VWA3B: variants seen among roughly 807,000 people sequenced by gnomAD.
VWA3B encodes the protein von Willebrand factor A domain containing 3B.
Under a neutral mutation model 158.3 loss-of-function variants are expected in VWA3B, and 138 were observed. The observed-to-expected ratio is 0.87, with a 90% CI of 0.76 to 1.00. The LOEUF (loss-of-function observed/expected upper bound fraction) is 1.00. Among genes scored for constraint, VWA3B ranks in the 50% least tolerant of loss-of-function variants. The pLI is 0.00. For missense variants in VWA3B, 1,555 were observed against 1,565.1 expected (o/e 0.99, Z 0.11); for synonymous variants, 596 against 587.3 (o/e 1.01, Z -0.21).
At chr2:98,179,949 CTCTT>C (rs1219418540) in intron 8 of VWA3B, among the ~76,000 whole-genome samples, 9 of 122,680 alleles carry the variant, frequency 7.3e-5, no homozygotes, top group Non-Finnish European at 1.3e-4. Flanking sequence ...CCTCCTTTCT[CTCTT>C]TCTCTTTCTT....
At chr2:98,264,185 A>G (rs1404094262) in intron 21 of VWA3B, among the ~76,000 whole-genome samples, 2 of 151,796 alleles carry the variant, frequency 1.3e-5, no homozygotes, top group African/African-American at 4.8e-5. Context: ...AAAAAAAAAC[A>G]AATCTTGCTT....
intron 7 of VWA3B, among the ~76,000 whole-genome samples, chr2:98,143,440 C>T (rs543200904): frequency 6.2e-4 from 95 of 152,274 alleles, no homozygotes; most frequent in African/African-American, 2.1e-3. Context: ...TGGTTCACAT[C>T]GTATGTCTAT....
At chr2:98,237,244 G>C (rs758960938) in intron 19 of VWA3B, among the ~76,000 whole-genome samples, 2 of 152,302 alleles carry the variant, frequency 1.3e-5, no homozygotes. Context: ...TTGGCACTTC[G>C]TGGTTCGTTG....
rs549156822 is a variant in VWA3B, at chr2:98,127,162, G to A, written c.703-1077G>A. Among the ~76,000 whole-genome samples the A allele has an allele frequency of 2.0e-5, 3 of 152,316 alleles. No individual in the cohort carries two copies. The East Asian group carries it at 5.8e-4, about 29-fold the overall frequency. On this transcript the variant is annotated intron_variant, in intron 5 of 27. Transcript: ENST00000477737. The stretch of plus-strand genomic sequence containing the variant: ...CTGGGGTTTCTTCCCCCATTTATGT[G>A]TGGACACAGTCCATCGGGACATTTA...
chr2:98,263,037 T>C (rs1687581710), intron 21 of VWA3B, among the ~76,000 whole-genome samples: 1 of 151,914 alleles, frequency 6.6e-6, no homozygotes, highest in South Asian at 2.1e-4. Context: ...TTTGGTGCTA[T>C]TGTAGATGGG....
At chr2:98,090,787 G>T (rs1253206069) in intron 1 of VWA3B, among the ~76,000 whole-genome samples, 2 of 147,890 alleles carry the variant, frequency 1.4e-5, no homozygotes, top group Admixed American at 1.4e-4. Context: ...ACAAGTTCTT[G>T]CTCTGTTGCC....
chr2:98,126,515 C>A (rs117628206), intron 5 of VWA3B, among the ~76,000 whole-genome samples: 1 of 152,146 alleles, frequency 6.6e-6, no homozygotes, highest in Non-Finnish European at 1.5e-5. Flanking sequence ...AATAGGCCTG[C>A]TAAGTGGAAG....
At chr2:98,097,060 T>A (rs959298831) in intron 2 of VWA3B, among the ~76,000 whole-genome samples, 1 of 152,124 alleles carries the variant, frequency 6.6e-6, no homozygotes, top group African/African-American at 2.4e-5. Context: ...TGTATTTCCA[T>A]TTTCATTTGT....
intron 22 of VWA3B, among the ~76,000 whole-genome samples, chr2:98,288,868 T>C (rs941872176): frequency 6.6e-6 from 1 of 152,228 alleles, no homozygotes; most frequent in African/African-American, 2.4e-5. Context: ...GTAATACCTA[T>C]GCTTTTTCTT....
intron 14 of VWA3B, 90 bp from the exon 15 acceptor site, chr2:98,228,112 A>G (rs7606220): frequency 0.62 from 880,712 of 1,418,500 alleles, 276,821 homozygotes; most frequent in South Asian, 0.84. Context: ...AACATAGTGA[A>G]CCTCTTGTCT....
intron 26 of VWA3B, among the ~76,000 whole-genome samples, chr2:98,308,042 C>A (rs765611538): frequency 1.3e-5 from 2 of 152,024 alleles, no homozygotes; most frequent in Admixed American, 1.3e-4. Flanking sequence ...TTGAACACAG[C>A]GAAATCTGAT....
rs115178463 is a variant in VWA3B at position 98,152,218 on chromosome 2, G to A, written c.989-10633G>A. ...TTATGCCATGGGGCCTGTTCTGGGTGTGAATTTCACCTACTTCTCTGTTGT... is the reference window on the plus strand; with the variant it reads ...TTATGCCATGGGGCCTGTTCTGGGTATGAATTTCACCTACTTCTCTGTTGT... On this transcript the variant is annotated intron_variant, in intron 7 of 27. Coordinates refer to ENST00000477737, the MANE Select transcript of VWA3B (RefSeq NM_144992.5). Among the ~76,000 whole-genome samples, 1,012 of 152,350 alleles carry A rather than the reference G, an allele frequency of 6.6e-3. 13 individuals carry two copies. Among genetic ancestry groups the A allele is most frequent in the African/African-American group, 0.023 (965 of 41,572 alleles).
At chr2:98,284,537 G>A (rs903511957) in intron 22 of VWA3B, among the ~76,000 whole-genome samples, 4 of 152,104 alleles carry the variant, frequency 2.6e-5, no homozygotes, top group Non-Finnish European at 5.9e-5. Flanking sequence ...TTCTTAAGAG[G>A]AGGCCTGCAA....
At chr2:98,105,482 T>C (rs780804929) in intron 2 of VWA3B, among the ~76,000 whole-genome samples, 5 of 152,214 alleles carry the variant, frequency 3.3e-5, no homozygotes, top group Non-Finnish European at 7.3e-5. Flanking sequence ...GAGAGAACTG[T>C]TTATCACCAC....
intron 3 of VWA3B, among the ~76,000 whole-genome samples, chr2:98,118,766 T>TA (rs1484704352): frequency 6.6e-6 from 1 of 152,148 alleles, no homozygotes; most frequent in Non-Finnish European, 1.5e-5. Context: ...TAAAATAAAA[T>TA]AAAATAAAAT....
chr2:98,313,146 A>C lies in VWA3B; in HGVS notation c.*797A>C, dbSNP rs1691006842. Reference sequence around the variant, plus strand: ...AGGGAAAATATTGGATGCTTTTTGCAAACAGAACAGATAGGGCTGAGTTCT... The same window carrying C: ...AGGGAAAATATTGGATGCTTTTTGCCAACAGAACAGATAGGGCTGAGTTCT... On this transcript the variant is annotated 3_prime_UTR_variant, in exon 28 of 28. Transcript: ENST00000477737. 1 of 152,210 alleles carries C rather than the reference A, an allele frequency of 6.6e-6. No homozygotes were observed. Among genetic ancestry groups the C allele is most frequent in the Admixed American group, 6.5e-5 (1 of 15,284 alleles). 9.4% of individuals were successfully genotyped at this position (152,210 alleles called of 1,614,324 possible). A position where few individuals can be genotyped will look rare whatever the true frequency, so the allele number is the denominator to read the frequency against.
intron 12 of VWA3B, chr2:98,207,472 A>G (rs1683120620): frequency 2.0e-6 from 1 of 502,564 alleles, no homozygotes; most frequent in Non-Finnish European, 4.0e-6. Context: ...CATATTGGGT[A>G]TGGATTAACT....
At chr2:98,090,624 C>A (rs1474269475) in intron 1 of VWA3B, among the ~76,000 whole-genome samples, 1 of 152,126 alleles carries the variant, frequency 6.6e-6, no homozygotes, top group Non-Finnish European at 1.5e-5. Flanking sequence ...ATATTCTCCT[C>A]AAATTGAGCC....
At chr2:98,326,330 A>G in the VWA3B span, among the ~76,000 whole-genome samples, 2 of 152,226 alleles carry the variant, frequency 1.3e-5, no homozygotes, top group South Asian at 2.1e-4. Context: ...ATAACCAACC[A>G]AAACTGACAT....
Sources: gnomAD v4.1 joint callset for allele counts (sites outside exome capture counted in the v4.1 genomes callset) on GRCh38, gnomAD v4.1.1 for gene constraint, MANE v1.5 for transcripts, NCBI Gene and HGNC (gene_info 2026-07-23, HGNC 2026-07-21) for gene names.